Variants in LYPLAL1 observed in about 807,000 individuals in gnomAD.
The protein encoded by LYPLAL1 is lysophospholipase-like protein 1.
LYPLAL1 carries 23 observed loss-of-function variants against 19.7 expected under a neutral mutation model. The ratio of observed to expected loss-of-function variants is 1.17; its 90% CI spans 0.84 to 1.65. LYPLAL1 has a LOEUF of 1.65. Ranked by LOEUF, LYPLAL1 falls within the 40% of genes most tolerant of loss-of-function variation. LYPLAL1 has a pLI of 0.00. For missense variants in LYPLAL1, 355 were observed against 279.4 expected, an observed-to-expected ratio of 1.27 and a Z score of -1.93; for synonymous variants, 119 against 96.3, an observed-to-expected ratio of 1.24 and a Z score of -1.38.
intron 3 of LYPLAL1, among the ~76,000 whole-genome samples, chr1:219,208,331 C>G (rs892259337): frequency 6.6e-6 from 1 of 152,022 alleles, no homozygotes. Flanking sequence ...ATTAGTCCAT[C>G]TATCTTGTTT....
chr1:219,306,315 G>A, the LYPLAL1 span, among the ~76,000 whole-genome samples: 1 of 152,110 alleles, frequency 6.6e-6, no homozygotes, highest in Non-Finnish European at 1.5e-5. Context: ...TTAATTTTGT[G>A]TCAATATGAC....
the LYPLAL1 span, among the ~76,000 whole-genome samples, chr1:219,364,760 G>A: frequency 6.6e-6 from 1 of 152,080 alleles, no homozygotes; most frequent in Admixed American, 6.5e-5. Context: ...AAGTGAATTT[G>A]TATTGGAATT....
At chr1:219,438,585 C>T in the LYPLAL1 span, among the ~76,000 whole-genome samples, 1 of 152,138 alleles carries the variant, frequency 6.6e-6, no homozygotes, top group African/African-American at 2.4e-5. Flanking sequence ...TCGTCAGCAC[C>T]TATTTGGGAA....
chr1:219,316,943 A>C, the LYPLAL1 span, among the ~76,000 whole-genome samples: 3 of 152,194 alleles, frequency 2.0e-5, no homozygotes, highest in Non-Finnish European at 4.4e-5. Context: ...TCAGTTTTAA[A>C]AGGTGAAAAG....
At chr1:219,353,034 C>T in the LYPLAL1 span, among the ~76,000 whole-genome samples, 2 of 152,170 alleles carry the variant, frequency 1.3e-5, no homozygotes, top group South Asian at 4.1e-4. Context: ...GCTACAAAAC[C>T]GGACTAAATT....
At chr1:219,408,408 G>A in the LYPLAL1 span, among the ~76,000 whole-genome samples, 3 of 152,116 alleles carry the variant, frequency 2.0e-5, no homozygotes, top group Non-Finnish European at 2.9e-5. Context: ...TGGAGGAAGT[G>A]GCTATGCATG....
Position 219,198,519 on chromosome 1 carries a change from TAA to T in LYPLAL1, c.361+5269_361+5270del, listed in dbSNP as rs1337310500. 3.3e-5 allele frequency: 5 copies of T among 152,232 alleles called. No individual in the cohort carries two copies. In the South Asian group the frequency reaches 8.3e-4, roughly 25 times the overall value. 9.4% of individuals were successfully genotyped at this position (152,232 alleles called of 1,614,324 possible). A position where few individuals can be genotyped will look rare whatever the true frequency, so the allele number is the denominator to read the frequency against. ...TTCTCATAATGGAAATGAAATTACA[TAA>T]GTTATTAAACATTTATGAAAATAAA... On this transcript the variant is annotated intron_variant, in intron 3 of 4. Coordinates refer to ENST00000366928, the MANE Select transcript of LYPLAL1 (RefSeq NM_138794.5).
At chr1:219,397,821 T>C in the LYPLAL1 span, among the ~76,000 whole-genome samples, 2 of 152,224 alleles carry the variant, frequency 1.3e-5, no homozygotes, top group African/African-American at 4.8e-5. Context: ...AATCTTAGTT[T>C]GGCCAGATAG....
the LYPLAL1 span, chr1:219,222,875 T>C: frequency 6.6e-6 from 1 of 152,174 alleles, no homozygotes; most frequent in Non-Finnish European, 1.5e-5. Flanking sequence ...CAGAATGTTA[T>C]ATCCACACAT....
the LYPLAL1 span, among the ~76,000 whole-genome samples, chr1:219,353,545 A>G: frequency 6.6e-6 from 1 of 152,260 alleles, no homozygotes; most frequent in Non-Finnish European, 1.5e-5. Flanking sequence ...ACAGGACCTC[A>G]GGAGTAAACT....
chr1:219,367,945 A>ATTTTTTTTTTTTTTTT, the LYPLAL1 span, among the ~76,000 whole-genome samples: 1 of 144,490 alleles, frequency 6.9e-6, no homozygotes, highest in Non-Finnish European at 1.5e-5. Flanking sequence ...TGGCTTTACA[A>ATTTTTTTTTTTTTTTT]TTTTTTTTTT....
chr1:219,395,888 G>A, the LYPLAL1 span, among the ~76,000 whole-genome samples: 1 of 152,132 alleles, frequency 6.6e-6, no homozygotes, highest in South Asian at 2.1e-4. Flanking sequence ...CGGATCACGA[G>A]CTCAGGAGAT....
the LYPLAL1 span, among the ~76,000 whole-genome samples, chr1:219,398,551 G>T: frequency 6.6e-6 from 1 of 152,030 alleles, no homozygotes; most frequent in Non-Finnish European, 1.5e-5. Flanking sequence ...ATTCTATTTT[G>T]GTCATTTCAG....
the LYPLAL1 span, among the ~76,000 whole-genome samples, chr1:219,231,569 C>T: frequency 1.3e-5 from 2 of 151,904 alleles, no homozygotes; most frequent in Non-Finnish European, 2.9e-5. Flanking sequence ...TTTCAGAGAA[C>T]GAATGTCACT....
the LYPLAL1 span, among the ~76,000 whole-genome samples, chr1:219,426,126 G>A: frequency 4.5e-4 from 68 of 152,202 alleles, no homozygotes; most frequent in Non-Finnish European, 5.7e-4. Context: ...GTGTGTATAC[G>A]TTTGGTTTGG....
chr1:219,179,069 CAT>C (rs1656049307), intron 1 of LYPLAL1, 76 bp from the exon 2 acceptor site: 8 of 916,728 alleles, frequency 8.7e-6, no homozygotes, highest in South Asian at 1.8e-5. Context: ...CTCTGTGTGA[CAT>C]AAAAGTTTTA....
At chr1:219,381,001 A>G in the LYPLAL1 span, among the ~76,000 whole-genome samples, 1 of 152,174 alleles carries the variant, frequency 6.6e-6, no homozygotes, top group Admixed American at 6.5e-5. Context: ...AACAAAAGTA[A>G]TAAACTGTAG....
chr1:219,330,242 A>G, the LYPLAL1 span, among the ~76,000 whole-genome samples: 1 of 152,220 alleles, frequency 6.6e-6, no homozygotes, highest in Non-Finnish European at 1.5e-5. Context: ...AATTAATTTC[A>G]TGTTTCATTG....
chr1:219,217,379 G>GGT (rs371579948), downstream of LYPLAL1, among the ~76,000 whole-genome samples: 339 of 134,128 alleles, frequency 2.5e-3, 4 homozygotes, highest in South Asian at 0.022. Flanking sequence ...TGCCAGGTTT[G>GGT]GTGTGTGTGT....
Sources: gnomAD v4.1 joint callset for allele counts (sites outside exome capture counted in the v4.1 genomes callset) on GRCh38, gnomAD v4.1.1 for gene constraint, MANE v1.5 for transcripts, NCBI Gene and HGNC (gene_info 2026-07-23, HGNC 2026-07-21) for gene names.